WDPCP: variants seen among roughly 807,000 people sequenced by gnomAD.
WDPCP encodes WD repeat-containing and planar cell polarity effector protein fritz homolog.
Under a neutral mutation model 93.1 loss-of-function variants are expected in WDPCP, and 71 were observed. The ratio of observed to expected loss-of-function variants is 0.76; its 90% confidence interval spans 0.63 to 0.93. WDPCP has a LOEUF of 0.93. Ranked by LOEUF, WDPCP falls within the 40% of genes least tolerant of loss-of-function variation. The pLI is 0.00. For missense variants in WDPCP, 844 were observed against 887.4 expected (o/e 0.95, Z 0.62); for synonymous variants, 315 against 315.0 (o/e 1.00, Z 0.00).
intron 12 of WDPCP, among the ~76,000 whole-genome samples, chr2:63,354,468 C>G (rs1689858723): frequency 6.6e-6 from 1 of 152,096 alleles, no homozygotes; most frequent in Admixed American, 6.6e-5. Context: ...GGAAAGGAAC[C>G]CACACATTCA....
At chr2:63,326,248 A>G (rs1392491676) in intron 12 of WDPCP, among the ~76,000 whole-genome samples, 1 of 152,186 alleles carries the variant, frequency 6.6e-6, no homozygotes, top group Non-Finnish European at 1.5e-5. Context: ...GAACCAATCG[A>G]GCATGACTGC....
intron 1 of WDPCP, among the ~76,000 whole-genome samples, chr2:63,510,797 C>G (rs1176089443): frequency 6.6e-6 from 1 of 152,000 alleles, no homozygotes; most frequent in Non-Finnish European, 1.5e-5. Context: ...CATGGCAAAC[C>G]CTGTCTCTAC....
intron 1 of WDPCP, among the ~76,000 whole-genome samples, chr2:63,533,887 C>CA (rs138063813): frequency 2.6e-5 from 4 of 151,928 alleles, no homozygotes; most frequent in Non-Finnish European, 5.9e-5. Context: ...GATAGAGACA[C>CA]AAAAAAACCC....
chr2:63,828,777 G>A (rs1339788991), upstream of WDPCP, among the ~76,000 whole-genome samples: 1 of 151,964 alleles, frequency 6.6e-6, no homozygotes, highest in East Asian at 1.9e-4. Flanking sequence ...TCAATCCATT[G>A]CCTGGATTCT....
chr2:63,221,496 T>C (rs1022440695), intron 14 of WDPCP, among the ~76,000 whole-genome samples: 1 of 152,182 alleles, frequency 6.6e-6, no homozygotes, highest in Non-Finnish European at 1.5e-5. Flanking sequence ...TTAAAGGTCA[T>C]CCTTGAGAGG....
chr2:63,573,241 CAAAAAAAAAAAA>C (rs1198084895), intron 1 of WDPCP, among the ~76,000 whole-genome samples: 1 of 119,208 alleles, frequency 8.4e-6, no homozygotes, highest in Non-Finnish European at 1.8e-5. Flanking sequence ...AGACCTGCCT[CAAAAAAAAAAAA>C]AAAAAAAGGA....
chr2:63,190,432 CAAAAA>C (rs57419276), intron 14 of WDPCP, among the ~76,000 whole-genome samples: 2 of 92,294 alleles, frequency 2.2e-5, no homozygotes, highest in Non-Finnish European at 4.2e-5. Flanking sequence ...GACCTTGTCT[CAAAAA>C]AAAAAAAAAA....
At chr2:63,520,777 T>C (rs1429692174) in intron 1 of WDPCP, among the ~76,000 whole-genome samples, 1 of 151,292 alleles carries the variant, frequency 6.6e-6, no homozygotes, top group Non-Finnish European at 1.5e-5. Context: ...GCACCTGTGG[T>C]CCCAGCTACT....
intron 1 of WDPCP, among the ~76,000 whole-genome samples, chr2:63,546,376 C>T (rs1267734886): frequency 6.6e-6 from 1 of 152,102 alleles, no homozygotes; most frequent in African/African-American, 2.4e-5. Context: ...GGTAGGGGAT[C>T]TAATAGACAA....
intron 6 of WDPCP, among the ~76,000 whole-genome samples, chr2:63,459,322 T>C (rs1451628338): frequency 1.3e-5 from 2 of 151,956 alleles, no homozygotes; most frequent in Non-Finnish European, 2.9e-5. Flanking sequence ...ACTCATCCAA[T>C]AGGGGACTAC....
intron 12 of WDPCP, among the ~76,000 whole-genome samples, chr2:63,322,463 G>A (rs746766444): frequency 1.3e-5 from 2 of 151,992 alleles, no homozygotes; most frequent in Non-Finnish European, 2.9e-5. Context: ...AACACTCACC[G>A]TGAAGGTCTG....
chr2:63,428,396 T>G (rs1696479780), intron 9 of WDPCP, among the ~76,000 whole-genome samples: 1 of 152,160 alleles, frequency 6.6e-6, no homozygotes, highest in Non-Finnish European at 1.5e-5. Context: ...CACAATCAAG[T>G]AGGTTTTATC....
At chr2:63,180,550 A>C (rs898480933) in intron 14 of WDPCP, among the ~76,000 whole-genome samples, 2 of 152,142 alleles carry the variant, frequency 1.3e-5, no homozygotes, top group Non-Finnish European at 2.9e-5. Flanking sequence ...ATTCCATTGC[A>C]CATATATACT....
rs544657165 is a variant in WDPCP at position 63,382,082 on chromosome 2, C to T, written c.1448G>A (p.Arg483Gln). The T allele has an allele frequency of 6.4e-5, 103 of 1,612,658 alleles. No individual in the cohort carries two copies. In the South Asian group the frequency reaches 9.1e-4, roughly 14 times the overall value. Residue 483 changes from arginine to glutamine, a missense_variant, in exon 11 of 18, where the codon CGA (arginine) becomes CAA (glutamine). Transcript: ENST00000272321. ...VLLFKLGVFT[R>Q]GQLGLIDIIF... ...GATGTCTATCAGGCCCAGCTGTCCT[C>T]GAGTGAAGACGCCTATCACAAAACA... is the stretch of plus-strand genomic sequence containing the variant.
At chr2:63,391,121 C>T (rs970006026) in intron 10 of WDPCP, among the ~76,000 whole-genome samples, 12 of 152,188 alleles carry the variant, frequency 7.9e-5, no homozygotes, top group African/African-American at 2.7e-4. Flanking sequence ...CCCTGATGAA[C>T]ATCGAAGCAA....
chr2:63,737,131 A>G (rs1195356361), intron 2 of WDPCP, among the ~76,000 whole-genome samples: 1 of 152,080 alleles, frequency 6.6e-6, no homozygotes, highest in Non-Finnish European at 1.5e-5. Context: ...ACAATTCTCC[A>G]TGCCTGATAT....
chr2:63,604,262 CTAAATA>C (rs1467990766), intron 3 of WDPCP, among the ~76,000 whole-genome samples: 6 of 151,738 alleles, frequency 4.0e-5, no homozygotes, highest in African/African-American at 1.5e-4. Flanking sequence ...AAAATTTTAC[CTAAATA>C]TAAAGTGCCT....
intron 10 of WDPCP, among the ~76,000 whole-genome samples, chr2:63,402,258 T>G (rs182074970): frequency 1.3e-5 from 2 of 151,874 alleles, no homozygotes; most frequent in Non-Finnish European, 2.9e-5. Context: ...TAAGTGACAG[T>G]TGAACAATGA....
intron 14 of WDPCP, among the ~76,000 whole-genome samples, chr2:63,244,038 T>G (rs1680073851): frequency 6.6e-6 from 1 of 152,060 alleles, no homozygotes; most frequent in African/African-American, 2.4e-5. Flanking sequence ...AACGACACTC[T>G]TAGACCACAG....
Sources: allele counts gnomAD v4.1 joint callset (sites outside exome capture counted in the v4.1 genomes callset), GRCh38; gene constraint gnomAD v4.1.1; transcripts MANE v1.5; gene names NCBI Gene and HGNC (gene_info 2026-07-23, HGNC 2026-07-21).